The following MTERF3 variants were observed in gnomAD, a reference collection of about 807,000 sequenced individuals.
MTERF3 encodes the protein transcription termination factor 3, mitochondrial.
Under a neutral mutation model 40.5 loss-of-function variants are expected in MTERF3, and 40 were observed. The observed-to-expected ratio is 0.99, with a 90% CI of 0.77 to 1.29. The LOEUF is 1.29. Ranked by LOEUF, MTERF3 falls within the 50% of genes most tolerant of loss-of-function variation. The pLI is 0.00. For missense variants in MTERF3, 452 were observed against 478.2 expected (o/e 0.95, Z 0.51); for synonymous variants, 158 against 166.6 (o/e 0.95, Z 0.40).
At chr8:96,260,936 C>T (rs62516297) in intron 1 of MTERF3, among the ~76,000 whole-genome samples, 3 of 152,186 alleles carry the variant, frequency 2.0e-5, no homozygotes, top group African/African-American at 7.2e-5. Context: ...CTTGCTTACA[C>T]AGTATGCAAA....
chr8:96,253,804 G>T (rs1810230023), intron 3 of MTERF3, among the ~76,000 whole-genome samples: 1 of 150,174 alleles, frequency 6.7e-6, no homozygotes, highest in African/African-American at 2.5e-5. Context: ...CCAAGAGTTT[G>T]AGACCAGCCT....
rs375104423 is a variant in MTERF3, at chr8:96,255,801, T to C, written c.487+1161A>G. On this transcript the variant is annotated intron_variant, in intron 3 of 7. Coordinates refer to ENST00000287025, the MANE Select transcript of MTERF3 (RefSeq NM_015942.5). ...GAGGAAACGAGATTATATCCCCACA[T>C]ATCTGAAAACATCTGAAAACAGATG... is the stretch of plus-strand genomic sequence containing the variant. Among the ~76,000 whole-genome samples, 5 of 152,214 alleles carry C rather than the reference T, an allele frequency of 3.3e-5. No homozygotes were observed. In the East Asian group the frequency reaches 5.8e-4, roughly 18 times the overall value.
At chr8:96,248,337 T>C (rs925569634) in intron 4 of MTERF3, among the ~76,000 whole-genome samples, 5 of 152,312 alleles carry the variant, frequency 3.3e-5, no homozygotes, top group South Asian at 2.1e-4. Context: ...TGCTTATCAA[T>C]AGGTACTAGC....
chr8:96,239,526 C>T lies in MTERF3; in HGVS notation c.1219G>A (p.Val407Ile). The T allele has an allele frequency of 6.2e-7, 1 of 1,609,988 alleles. No homozygotes were observed. Among genetic ancestry groups the T allele is most frequent in the Non-Finnish European group, 8.5e-7 (1 of 1,179,040 alleles). The change falls in exon 8 of 8, where the codon GTA becomes ATA. Residue 407 changes from valine to isoleucine, a missense_variant. Physicochemically the swap from Val to Ile is conservative, Grantham distance 29 (BLOSUM62 3). Transcript: ENST00000287025. ...TTTAAGAATTTTTCAAAGTCCTGTA[C>T]TGATGCTTTGGCAATCTCTTCACAA... The part of the protein sequence containing the change: ...IFCEEIAKAS[V>I]QDFEKFLKTL
intron 7 of MTERF3, among the ~76,000 whole-genome samples, chr8:96,240,842 C>G (rs756953733): frequency 2.0e-5 from 3 of 152,122 alleles, no homozygotes; most frequent in Non-Finnish European, 4.4e-5. Context: ...CAAGTGGAAA[C>G]AGTAACAGAT....
At chr8:96,245,983 A>C in intron 5 of MTERF3, 52 bp from the exon 6 acceptor site, 1 of 1,513,884 alleles carries the variant, frequency 6.6e-7, no homozygotes, top group Non-Finnish European at 9.1e-7. Flanking sequence ...ATCTTTAACT[A>C]GTTTGGAAAA....
Position 96,239,590 on chromosome 8 carries a change from G to C in MTERF3, c.1155C>G (p.Ile385Met). The C allele has an allele frequency of 6.2e-7, 1 of 1,612,900 alleles. No individual in the cohort carries two copies. The highest frequency in any genetic ancestry group is 8.5e-7 in the Non-Finnish European group (1 of 1,179,624). The change falls in exon 8 of 8, where the codon ATC becomes ATG. Residue 385 changes from isoleucine (I) to methionine (M), a missense_variant. Ile to Met is a conservative substitution (Grantham distance 10, BLOSUM62 1). Transcript: ENST00000287025. ...AQYDPAKPNY[I>M]SLDKLVSIPD... The stretch of plus-strand genomic sequence containing the variant: ...GAATAGATACTAGTTTGTCCAAAGA[G>C]ATGTAGTTAGGTTTTGCTGGATCAT...
At chr8:96,241,442 A>AC (rs1234985359) in intron 7 of MTERF3, among the ~76,000 whole-genome samples, 1 of 152,056 alleles carries the variant, frequency 6.6e-6, no homozygotes, top group Non-Finnish European at 1.5e-5. Flanking sequence ...AACAAAAAAA[A>AC]ACTATCACCC....
Position 96,255,902 on chromosome 8 carries a change from T to C in MTERF3, c.487+1060A>G, listed in dbSNP as rs554850419. Among the ~76,000 whole-genome samples the C allele has an allele frequency of 2.0e-5, 3 of 150,722 alleles. No homozygotes were observed. The South Asian group carries it at 6.2e-4, about 31-fold the overall frequency. On this transcript the variant is annotated intron_variant, in intron 3 of 7. Coordinates refer to ENST00000287025, the MANE Select transcript of MTERF3 (RefSeq NM_015942.5). ...CTGCAAATGAGAATCTGGCAAGTGG[T>C]AAGTGATCAGTACCACAAAAAACTC...
At chr8:96,253,995 A>T (rs1318758065) in intron 3 of MTERF3, among the ~76,000 whole-genome samples, 1 of 152,080 alleles carries the variant, frequency 6.6e-6, no homozygotes, top group African/African-American at 2.4e-5. Context: ...GTGACAGAGC[A>T]AGACCCTGTG....
intron 4 of MTERF3, among the ~76,000 whole-genome samples, chr8:96,250,218 A>G (rs1586167263): frequency 6.6e-6 from 1 of 152,140 alleles, no homozygotes; most frequent in Non-Finnish European, 1.5e-5. Flanking sequence ...GTAATTTGCC[A>G]AGACAATCTC....
At chr8:96,256,653 A>C (rs1810284742) in intron 3 of MTERF3, among the ~76,000 whole-genome samples, 1 of 152,222 alleles carries the variant, frequency 6.6e-6, no homozygotes, top group Non-Finnish European at 1.5e-5. Context: ...ACATGTGTAC[A>C]TACAAGAGAT....
At chr8:96,254,188 G>A (rs1262706202) in intron 3 of MTERF3, among the ~76,000 whole-genome samples, 1 of 152,146 alleles carries the variant, frequency 6.6e-6, no homozygotes, top group East Asian at 1.9e-4. Context: ...GATACAACAT[G>A]CTGTTTTGAC....
intron 3 of MTERF3, among the ~76,000 whole-genome samples, chr8:96,254,365 A>C (rs929734237): frequency 6.6e-6 from 1 of 152,172 alleles, no homozygotes; most frequent in Non-Finnish European, 1.5e-5. Flanking sequence ...ATAGATCTCC[A>C]AAACTTATGC....
rs370504100 is a variant in MTERF3 at position 96,246,321 on chromosome 8, G to T, written c.811C>A (p.Leu271Ile). The T allele has an allele frequency of 3.7e-6, 6 of 1,602,282 alleles. No homozygotes were observed. In the South Asian group the frequency reaches 6.8e-5, roughly 18 times the overall value. Reference protein sequence around the residue: ...RLGFFQKELELSVKKTRDLVV... With the variant: ...RLGFFQKELEISVKKTRDLVV... ...CTTTTCTTTACCTTCTTCACACTAA[G>T]TTCAAGTTCTTTCTGAAAAAATCCC... The change falls in exon 5 of 8, where the codon CTT (leucine) becomes ATT (isoleucine). Residue 271 changes from leucine to isoleucine, a missense_variant. By Grantham distance (5) the Leu-to-Ile change is conservative (BLOSUM62 2). Coordinates refer to ENST00000287025, the MANE Select transcript of MTERF3 (RefSeq NM_015942.5).
chr8:96,251,046 AAGG>A lies in MTERF3; in HGVS notation c.534_536del (p.Leu180del), dbSNP rs1415660688. On this transcript the variant is annotated inframe_deletion, in exon 4 of 8. Transcript: ENST00000287025. ...TGTCTTTTTCAAAATCCAGTCTCAG[AAGG>A]AGGTTTGCTGCTTCTGGATGTTTTT... 1 of 1,600,000 alleles carries A rather than the reference AAGG, an allele frequency of 6.3e-7. No individual in the cohort carries two copies. The highest frequency in any genetic ancestry group is 1.4e-5 in the African/African-American group (1 of 73,774).
rs111807224 is a variant in MTERF3, at chr8:96,252,721, C to T, written c.488-1626G>A. The stretch of plus-strand genomic sequence containing the variant: ...CAAAAATCTGTGATAAATGGGGGAG[C>T]GGATGCTCTAAAAATAACATAAAGG... On this transcript the variant is annotated intron_variant, in intron 3 of 7. Transcript: ENST00000287025. Among the ~76,000 whole-genome samples, 55 of 152,198 alleles carry T rather than the reference C, an allele frequency of 3.6e-4. 1 individual carries two copies. The highest frequency in any genetic ancestry group is 3.4e-3 in the Middle Eastern group (1 of 294).
chr8:96,251,219 C>A, intron 3 of MTERF3, 124 bp from the exon 4 acceptor site: 1 of 651,176 alleles, frequency 1.5e-6, no homozygotes, highest in Non-Finnish European at 2.4e-6. Context: ...TGAGATAGAT[C>A]AATAGAAACT....
intron 6 of MTERF3, among the ~76,000 whole-genome samples, chr8:96,245,650 C>T (rs1810006832): frequency 6.6e-6 from 1 of 152,216 alleles, no homozygotes; most frequent in Admixed American, 6.5e-5. Context: ...AGGTGATTTA[C>T]TCAGGTTAAT....
Sources: allele counts gnomAD v4.1 joint callset (sites outside exome capture counted in the v4.1 genomes callset), GRCh38; gene constraint gnomAD v4.1.1; transcripts MANE v1.5; gene names NCBI Gene and HGNC (gene_info 2026-07-23, HGNC 2026-07-21).